SPTLC3: variants seen among roughly 807,000 people sequenced by gnomAD.
SPTLC3 encodes serine palmitoyltransferase long chain base subunit 3, also known as serine palmitoyltransferase 3.
SPTLC3 carries 36 observed loss-of-function variants against 59.3 expected under a neutral mutation model. The ratio of observed to expected loss-of-function variants is 0.61; its 90% CI spans 0.47 to 0.80. SPTLC3 has a LOEUF of 0.80. SPTLC3 is among the 30% of genes least tolerant of loss of function. SPTLC3 has a pLI of 0.00. For missense variants in SPTLC3, 625 were observed against 685.1 expected, an observed-to-expected ratio of 0.91 and a Z score of 0.98; for synonymous variants, 257 against 240.8, an observed-to-expected ratio of 1.07 and a Z score of -0.62.
At chr20:13,101,098 G>A (rs573454979) in intron 6 of SPTLC3, among the ~76,000 whole-genome samples, 1 of 152,326 alleles carries the variant, frequency 6.6e-6, no homozygotes, top group African/African-American at 2.4e-5. Context: ...AACTCTGGGT[G>A]CCAGGATAGA....
chr20:13,054,179 G>C (rs1051617654), intron 2 of SPTLC3, among the ~76,000 whole-genome samples: 6 of 152,186 alleles, frequency 3.9e-5, no homozygotes, highest in Admixed American at 6.5e-5. Flanking sequence ...AAGGAACCAC[G>C]GAATTCCAAT....
At chr20:13,017,861 C>A (rs1032322497) in intron 1 of SPTLC3, among the ~76,000 whole-genome samples, 1 of 152,136 alleles carries the variant, frequency 6.6e-6, no homozygotes, top group African/African-American at 2.4e-5. Context: ...ATGGAAGGGA[C>A]AATCTGGGAC....
intron 1 of SPTLC3, among the ~76,000 whole-genome samples, chr20:13,024,371 T>C (rs1986043202): frequency 6.7e-6 from 1 of 148,764 alleles, no homozygotes. Context: ...CTAGTTAGCA[T>C]TTTGCTATAC....
intron 2 of SPTLC3, among the ~76,000 whole-genome samples, chr20:13,059,313 C>A (rs528276128): frequency 1.3e-5 from 2 of 152,318 alleles, no homozygotes; most frequent in Non-Finnish European, 2.9e-5. Context: ...TTCACTGTTA[C>A]GTCGCTAGTA....
rs1384225923 is a variant in SPTLC3 at position 13,074,459 on chromosome 20, T to C, written c.569T>C (p.Val190Ala). ...SMRTIKDVLE[V>A]YGTGVASTRH... ...AGGACAATAAAGGATGTTTTAGAGG[T>C]GTATGGCACAGGCGTGGCCAGCACC... The change falls in exon 4 of 12, where the codon GTG becomes GCG. Residue 190 changes from valine (V) to alanine (A), a missense_variant. Physicochemically the swap from Val to Ala is moderately conservative, Grantham distance 64. Coordinates refer to ENST00000399002, the MANE Select transcript of SPTLC3 (RefSeq NM_018327.4). 4.3e-6 allele frequency: 7 copies of C among 1,613,616 alleles called. No homozygotes were observed. In the South Asian group the frequency reaches 7.7e-5, roughly 18 times the overall value.
intron 2 of SPTLC3, 175 bp downstream of exon 2, chr20:13,049,305 GT>G: frequency 1.5e-6 from 1 of 683,778 alleles, no homozygotes; most frequent in Non-Finnish European, 2.5e-6. Flanking sequence ...TTATGGACCT[GT>G]TTTTACAAAC....
intron 2 of SPTLC3, among the ~76,000 whole-genome samples, chr20:13,067,760 T>C (rs1471891462): frequency 6.6e-6 from 1 of 152,144 alleles, no homozygotes; most frequent in East Asian, 1.9e-4. Context: ...AAAAGGAAAA[T>C]ATAAGCATAT....
At chr20:13,060,201 A>G (rs138346506) in intron 2 of SPTLC3, among the ~76,000 whole-genome samples, 3 of 152,328 alleles carry the variant, frequency 2.0e-5, no homozygotes, top group Non-Finnish European at 4.4e-5. Flanking sequence ...AGATCCTATC[A>G]GACTGCTCCA....
chr20:13,161,547 A>C (rs888826368), intron 11 of SPTLC3, among the ~76,000 whole-genome samples: 1 of 152,196 alleles, frequency 6.6e-6, no homozygotes, highest in Non-Finnish European at 1.5e-5. Flanking sequence ...ACCCAGACTT[A>C]CATGGAACTA....
chr20:13,065,317 A>G (rs1007213887), intron 2 of SPTLC3, among the ~76,000 whole-genome samples: 1 of 150,490 alleles, frequency 6.6e-6, no homozygotes, highest in African/African-American at 2.4e-5. Flanking sequence ...GATACATAAA[A>G]GTCCTTGGCT....
chr20:13,164,339 C>A lies in SPTLC3; in HGVS notation c.1546-415C>A, dbSNP rs929607094. 1.7e-5 allele frequency: 8 copies of A among 471,744 alleles called. No individual in the cohort carries two copies. The Admixed American group carries it at 1.9e-4, about 11-fold the overall frequency. 29.2% of individuals were successfully genotyped at this position (471,744 alleles called of 1,614,324 possible). ...ATGTTAATCAGCTCCCGCAACATTC[C>A]TCTTTGTTCTTGGCCAGGTGATTTG... On this transcript the variant is annotated intron_variant, in intron 11 of 11. Transcript: ENST00000399002.
At chr20:13,111,947 C>T (rs374345159) in intron 7 of SPTLC3, among the ~76,000 whole-genome samples, 6 of 152,278 alleles carry the variant, frequency 3.9e-5, no homozygotes, top group Middle Eastern at 3.4e-3. Flanking sequence ...CCATGCCAGG[C>T]GCCTGCATCC....
chr20:13,085,780 A>G (rs1434927257), intron 4 of SPTLC3, among the ~76,000 whole-genome samples: 1 of 152,196 alleles, frequency 6.6e-6, no homozygotes, highest in African/African-American at 2.4e-5. Context: ...TTGGTACTTT[A>G]TCTTGAATCT....
At chr20:13,073,451 G>A (rs1464977474) in intron 3 of SPTLC3, among the ~76,000 whole-genome samples, 2 of 151,314 alleles carry the variant, frequency 1.3e-5, no homozygotes, top group African/African-American at 4.9e-5. Flanking sequence ...TATGATTTGG[G>A]CCAGACCTAA....
At chr20:13,043,346 T>C (rs1309945723) in intron 1 of SPTLC3, among the ~76,000 whole-genome samples, 1 of 152,214 alleles carries the variant, frequency 6.6e-6, no homozygotes, top group East Asian at 1.9e-4. Context: ...CTCCTCATTC[T>C]CACCCTGACT....
intron 2 of SPTLC3, chr20:13,050,998 C>A (rs1356848509): frequency 3.3e-5 from 5 of 152,112 alleles, no homozygotes; most frequent in African/African-American, 1.2e-4. Context: ...TTAAAAAACA[C>A]ACACACACAA....
intron 5 of SPTLC3, 65 bp downstream of exon 5, chr20:13,091,272 T>A (rs1382862713): frequency 1.9e-6 from 3 of 1,574,356 alleles, no homozygotes; most frequent in Non-Finnish European, 2.6e-6. Flanking sequence ...TCTGAGTAGG[T>A]CCTTGTTAGA....
chr20:13,055,288 T>A (rs1987672544), intron 2 of SPTLC3, among the ~76,000 whole-genome samples: 1 of 151,816 alleles, frequency 6.6e-6, no homozygotes, highest in Non-Finnish European at 1.5e-5. Flanking sequence ...AGGAGACAAC[T>A]CAGCATGCTT....
At chr20:13,112,296 G>A (rs2122713038) in intron 7 of SPTLC3, among the ~76,000 whole-genome samples, 1 of 152,252 alleles carries the variant, frequency 6.6e-6, no homozygotes, top group East Asian at 1.9e-4. Flanking sequence ...GCTCTCACCT[G>A]GAGTGCCATG....
Sources: gnomAD v4.1 joint callset for allele counts (sites outside exome capture counted in the v4.1 genomes callset) on GRCh38, gnomAD v4.1.1 for gene constraint, MANE v1.5 for transcripts, NCBI Gene and HGNC (gene_info 2026-07-23, HGNC 2026-07-21) for gene names.